The following CDH8 variants were observed in gnomAD, a reference collection of about 807,000 sequenced individuals.
CDH8 encodes the protein cadherin-8.
CDH8 carries 17 observed loss-of-function variants against 68.1 expected under a neutral mutation model. That is an observed-to-expected ratio of 0.25 (90% CI 0.17 to 0.37). CDH8 has a LOEUF of 0.37. Among genes scored for constraint, CDH8 ranks in the 10% least tolerant of loss-of-function variants. The pLI, the probability that CDH8 is intolerant of heterozygous loss-of-function variation, is 1.00. For missense variants in CDH8, 763 were observed against 999.3 expected (o/e 0.76, Z 3.19); for synonymous variants, 372 against 365.1 (o/e 1.02, Z -0.21).
chr16:61,746,529 C>T (rs527849945), intron 8 of CDH8, among the ~76,000 whole-genome samples: 77 of 147,956 alleles, frequency 5.2e-4, no homozygotes, highest in African/African-American at 1.8e-3. Context: ...CCATCATAGA[C>T]GTAAAGAAAA....
chr16:61,914,109 G>A (rs1240814359), intron 2 of CDH8, among the ~76,000 whole-genome samples: 2 of 152,070 alleles, frequency 1.3e-5, no homozygotes, highest in African/African-American at 4.8e-5. Context: ...AGGAAAGACC[G>A]TGTCAGGACA....
chr16:61,939,301 A>G (rs931763567), intron 2 of CDH8, among the ~76,000 whole-genome samples: 1 of 152,174 alleles, frequency 6.6e-6, no homozygotes, highest in Non-Finnish European at 1.5e-5. Context: ...ATTGGAAAAA[A>G]CTTCATTGTT....
intron 8 of CDH8, among the ~76,000 whole-genome samples, chr16:61,754,067 G>A (rs1960246529): frequency 6.6e-6 from 1 of 152,118 alleles, no homozygotes; most frequent in Non-Finnish European, 1.5e-5. Context: ...ACTTAATACT[G>A]TCTGAATGTG....
chr16:61,806,625 G>GA (rs1455582136), intron 7 of CDH8, among the ~76,000 whole-genome samples: 1 of 127,414 alleles, frequency 7.8e-6, no homozygotes, highest in East Asian at 2.4e-4. Flanking sequence ...AAATTTACAA[G>GA]AAAAAAACAA....
At position 61,652,271 on chromosome 16, in the gene CDH8, G is replaced by A. The variant is rs1343637716; in HGVS notation, c.*1337C>T. 1 of 984,974 alleles carries A rather than the reference G, an allele frequency of 1.0e-6. No homozygotes were observed. The highest frequency in any genetic ancestry group is 1.2e-6 in the Non-Finnish European group (1 of 829,712). The allele number at this position is 984,974 out of a possible 1,614,324, so 61.0% of individuals were successfully genotyped here. On this transcript the variant is annotated 3_prime_UTR_variant, in exon 12 of 12. Transcript: ENST00000577390. Reference sequence around the variant, plus strand: ...TGCATCACCATGAAGATCAGGGATAGGAGTGCTAAAAACGTAAACAGTGAA... The same window carrying A: ...TGCATCACCATGAAGATCAGGGATAAGAGTGCTAAAAACGTAAACAGTGAA...
At chr16:61,717,033 T>C (rs1964743875) in intron 9 of CDH8, among the ~76,000 whole-genome samples, 1 of 151,678 alleles carries the variant, frequency 6.6e-6, no homozygotes, top group African/African-American at 2.4e-5. Flanking sequence ...TAGGGTCCAC[T>C]GTGAGCTACG....
At chr16:61,916,650 C>A (rs1300333316) in intron 2 of CDH8, among the ~76,000 whole-genome samples, 1 of 152,002 alleles carries the variant, frequency 6.6e-6, no homozygotes, top group African/African-American at 2.4e-5. Flanking sequence ...GTTTTATTTG[C>A]AATGAAAAGT....
At position 61,796,533 on chromosome 16, in the gene CDH8, TAGAC is replaced by T. The variant is rs552119807; in HGVS notation, c.1278-7055_1278-7052del. On this transcript the variant is annotated intron_variant, in intron 7 of 11. Transcript: ENST00000577390. Reference sequence around the variant, plus strand: ...ATTCTAATGATGGAAGTTTTAGAAATAGACAGTCTCTTTCTACTGCAATAGATAT... The same window carrying T: ...ATTCTAATGATGGAAGTTTTAGAAATAGTCTCTTTCTACTGCAATAGATAT... Among the ~76,000 whole-genome samples the T allele has an allele frequency of 6.4e-3, 979 of 152,154 alleles. 7 individuals carry two copies. The highest frequency in any genetic ancestry group is 0.023 in the African/African-American group (936 of 41,542).
Position 61,688,676 on chromosome 16 carries a change from C to T in CDH8, c.1654+25165G>A, listed in dbSNP as rs137865777. On this transcript the variant is annotated intron_variant, in intron 10 of 11. Coordinates refer to ENST00000577390, the MANE Select transcript of CDH8 (RefSeq NM_001796.5). ...ATGAAGATTCAAAGAGCTTAAATTC[C>T]CTGCCATTCTATCCTCAGGCAAGGG... Among the ~76,000 whole-genome samples the T allele has an allele frequency of 3.1e-3, 473 of 151,972 alleles. 2 individuals are homozygous for T. Among genetic ancestry groups the T allele is most frequent in the African/African-American group, 0.011 (451 of 41,484 alleles).
chr16:61,698,876 TAAG>T (rs1964373865), intron 10 of CDH8, among the ~76,000 whole-genome samples: 2 of 152,150 alleles, frequency 1.3e-5, no homozygotes, highest in Non-Finnish European at 2.9e-5. Flanking sequence ...GTGATGCTCT[TAAG>T]AAGGAGAGTT....
chr16:61,742,143 T>C (rs1959890682), intron 8 of CDH8, among the ~76,000 whole-genome samples: 1 of 152,168 alleles, frequency 6.6e-6, no homozygotes, highest in South Asian at 2.1e-4. Flanking sequence ...CTCAATATTA[T>C]AGGTAGTATT....
Position 61,694,550 on chromosome 16 carries a change from C to T in CDH8, c.1654+19291G>A, listed in dbSNP as rs114222074. 3.3e-3 allele frequency among the ~76,000 whole-genome samples: 495 copies of T among 151,734 alleles called. 2 individuals are homozygous for T. The highest frequency in any genetic ancestry group is 0.011 in the African/African-American group (472 of 41,380). On this transcript the variant is annotated intron_variant, in intron 10 of 11. Coordinates refer to ENST00000577390, the MANE Select transcript of CDH8 (RefSeq NM_001796.5). ...TTGGTTATATGAGGCTGATGGGCTT[C>T]GGTCATATTGGGAATGATGAGGTTT...
At chr16:61,983,879 CTTTATTTTATTTTATTTTATTTTAT>C (rs199945282) in intron 2 of CDH8, among the ~76,000 whole-genome samples, 2,469 of 140,454 alleles carry the variant, frequency 0.018, 68 homozygotes, top group African/African-American at 0.06. Flanking sequence ...GGTGTTTCCT[CTTTATTTTATTTTATTTTATTTTAT>C]TTTATTTTAT....
At position 61,653,839 on chromosome 16, in the gene CDH8, T is replaced by A. The variant is rs201669981; in HGVS notation, c.2169A>T (p.Glu723Asp). 9.9e-6 allele frequency: 16 copies of A among 1,614,148 alleles called. No homozygotes were observed. The Admixed American group carries it at 2.7e-4, about 27-fold the overall frequency. ...CCTCATGCAGCCTTACATTTATAAA[T>A]TCATCGACATCAACACCATTTGGAA... ...APVPNGVDVDEFINVRLHEAD... is the reference protein window; with the variant it reads ...APVPNGVDVDDFINVRLHEAD... The change falls in exon 12 of 12, where the codon GAA becomes GAT. Residue 723 changes from glutamate to aspartate, a missense_variant. Transcript: ENST00000577390.
intron 8 of CDH8, among the ~76,000 whole-genome samples, chr16:61,764,705 A>T (rs1049739189): frequency 6.6e-6 from 1 of 152,072 alleles, no homozygotes; most frequent in Non-Finnish European, 1.5e-5. Context: ...TCCAATGTTC[A>T]TTTTAATGTA....
intron 8 of CDH8, among the ~76,000 whole-genome samples, chr16:61,739,781 C>CAAACCAAG (rs1959809373): frequency 7.0e-6 from 1 of 142,350 alleles, no homozygotes; most frequent in Non-Finnish European, 1.5e-5. Flanking sequence ...AACAAAAAAA[C>CAAACCAAG]AAACCAAGAA....
At chr16:61,726,198 T>G (rs1205228363) in intron 9 of CDH8, 1 of 150,916 alleles carries the variant, frequency 6.6e-6, no homozygotes, top group East Asian at 1.9e-4. Context: ...TGCTGTTTAT[T>G]TAAATTAAAA....
intron 2 of CDH8, among the ~76,000 whole-genome samples, chr16:61,912,130 A>C (rs1472105078): frequency 6.6e-6 from 1 of 152,124 alleles, no homozygotes; most frequent in Non-Finnish European, 1.5e-5. Context: ...TAGATAACCA[A>C]ATAACAGTCA....
At chr16:61,742,874 A>G (rs1281262995) in intron 8 of CDH8, among the ~76,000 whole-genome samples, 2 of 152,260 alleles carry the variant, frequency 1.3e-5, no homozygotes, top group African/African-American at 4.8e-5. Flanking sequence ...TATATCGGTG[A>G]GTTCATTTGA....
Sources: gnomAD v4.1 joint callset for allele counts (sites outside exome capture counted in the v4.1 genomes callset) on GRCh38, gnomAD v4.1.1 for gene constraint, MANE v1.5 for transcripts, NCBI Gene and HGNC (gene_info 2026-07-23, HGNC 2026-07-21) for gene names.